The following CTPS1 variants were observed in gnomAD, a reference collection of about 807,000 sequenced individuals.
CTPS1 encodes CTP synthase 1.
In CTPS1, 25 loss-of-function variants were observed where a neutral mutation model predicts 80.5. The ratio of observed to expected loss-of-function variants is 0.31; its 90% confidence interval spans 0.23 to 0.43. The LOEUF (loss-of-function observed/expected upper bound fraction) is 0.43. Among genes scored for constraint, CTPS1 ranks in the 20% least tolerant of loss-of-function variants. The pLI is 1.00. For synonymous variants in CTPS1, 267 were observed against 252.5 expected (o/e 1.06, Z -0.54); for missense variants, 442 against 725.7 (o/e 0.61, Z 4.49).
chr1:40,997,232 G>T, intron 8 of CTPS1, 162 bp from the exon 9 acceptor site: 1 of 761,128 alleles, frequency 1.3e-6, no homozygotes, highest in Non-Finnish European at 2.0e-6. Context: ...CTGGGCTCAA[G>T]ATCCCCCCGC....
rs904764836 is a variant in CTPS1 at position 41,008,568 on chromosome 1, G to C, written c.1394-91G>C. The C allele has an allele frequency of 4.5e-5, 62 of 1,379,604 alleles. No homozygotes were observed. The African/African-American group carries it at 8.2e-4, about 18-fold the overall frequency. The allele number at this position is 1,379,604 out of a possible 1,614,324, so 85.5% of individuals were successfully genotyped here. On this transcript the variant is annotated intron_variant, in intron 14 of 18. Transcript: ENST00000650070. ...CCTCAAAAGACCTGGCTGTGTGGAT[G>C]ATGAAAAGTAAAGCAGGAAGGAGGA...
chr1:41,009,620 T>C (rs766285889), intron 17 of CTPS1, 31 bp downstream of exon 17: 25 of 1,612,530 alleles, frequency 1.6e-5, no homozygotes, highest in Non-Finnish European at 2.0e-5. Context: ...AGTAATCCAT[T>C]AGTCTTCTCT....
intron 11 of CTPS1, 110 bp downstream of exon 11, chr1:41,002,364 T>C: frequency 2.3e-6 from 2 of 856,426 alleles, no homozygotes. Flanking sequence ...ATGCTGTCTT[T>C]GTGGATAGGA....
At chr1:40,981,880 C>A in intron 1 of CTPS1, 1 of 709,692 alleles carries the variant, frequency 1.4e-6, no homozygotes, top group South Asian at 1.7e-5. Context: ...GGGGGTGGGG[C>A]GGGGGAATGC....
chr1:40,981,176 A>G (rs1651875923), intron 1 of CTPS1: 1 of 152,196 alleles, frequency 6.6e-6, no homozygotes, highest in African/African-American at 2.4e-5. Flanking sequence ...GAAAGTTGAG[A>G]TATGGGCCCA....
chr1:40,992,092 T>C (rs1642625684), intron 7 of CTPS1, among the ~76,000 whole-genome samples: 2 of 152,226 alleles, frequency 1.3e-5, no homozygotes, highest in South Asian at 4.1e-4. Flanking sequence ...TCGGTTCCCC[T>C]AGTACCCTCC....
At position 41,011,062 on chromosome 1, in the gene CTPS1, G is replaced by A. The variant is rs566770113; in HGVS notation, c.*10-596G>A. ...GGGACCTCCCTGAATCCTGCACACCGTGTGTTCATCACCAGTGGGCCTCTG... is the reference window on the plus strand; with the variant it reads ...GGGACCTCCCTGAATCCTGCACACCATGTGTTCATCACCAGTGGGCCTCTG... On this transcript the variant is annotated intron_variant, in intron 18 of 18. Coordinates refer to ENST00000650070, the MANE Select transcript of CTPS1 (RefSeq NM_001905.4). Among the ~76,000 whole-genome samples, 9 of 152,302 alleles carry A rather than the reference G, an allele frequency of 5.9e-5. No individual in the cohort carries two copies. The East Asian group carries it at 7.7e-4, about 13-fold the overall frequency.
At chr1:41,006,299 A>G in intron 13 of CTPS1, among the ~76,000 whole-genome samples, 1 of 152,162 alleles carries the variant, frequency 6.6e-6, no homozygotes, top group Non-Finnish European at 1.5e-5. Flanking sequence ...TTGACCACAG[A>G]AAGTTTTTAA....
At chr1:41,006,325 A>G (rs1356447327) in intron 13 of CTPS1, among the ~76,000 whole-genome samples, 1 of 152,220 alleles carries the variant, frequency 6.6e-6, no homozygotes, top group Non-Finnish European at 1.5e-5. Flanking sequence ...GTACCAGCCC[A>G]GGAAACTGGA....
At chr1:40,997,608 T>C in intron 9 of CTPS1, 82 bp downstream of exon 9, 3 of 1,471,466 alleles carry the variant, frequency 2.0e-6, no homozygotes, top group Non-Finnish European at 2.7e-6. Context: ...CATATCTGCT[T>C]TCTGTTTGGA....
At chr1:40,994,756 T>G (rs1642709723) in intron 7 of CTPS1, among the ~76,000 whole-genome samples, 2 of 152,266 alleles carry the variant, frequency 1.3e-5, no homozygotes. Context: ...GGCCTTGTTC[T>G]GGACTTTAAA....
rs1159231261 is a variant in CTPS1, at chr1:40,991,304, C to T, written c.639+56C>T. On this transcript the variant is annotated intron_variant, in intron 6 of 18. Coordinates refer to ENST00000650070, the MANE Select transcript of CTPS1 (RefSeq NM_001905.4). ...AATCTTTTATGTCTAGTTAAGATCA[C>T]TCTATCATGACAGACAAGACCTTTG... 13 of 1,329,618 alleles carry T rather than the reference C, an allele frequency of 9.8e-6. No individual in the cohort carries two copies. The South Asian group carries it at 1.6e-4, about 16-fold the overall frequency. The allele number at this position is 1,329,618 out of a possible 1,614,324, so 82.4% of individuals were successfully genotyped here.
At chr1:40,981,245 A>G (rs1054172920) in intron 1 of CTPS1, 6 of 152,250 alleles carry the variant, frequency 3.9e-5, no homozygotes. Flanking sequence ...TCAGTAGCCC[A>G]TAAGGATGAA....
In CTPS1 at chr1:40,983,777, C is replaced by T. The variant is rs79223496; in HGVS notation, c.166+321C>T. Among the ~76,000 whole-genome samples the T allele has an allele frequency of 3.2e-4, 49 of 152,206 alleles. 1 individual carries two copies. In the East Asian group the frequency reaches 8.3e-3, roughly 26 times the overall value. On this transcript the variant is annotated intron_variant, in intron 2 of 18. Coordinates refer to ENST00000650070, the MANE Select transcript of CTPS1 (RefSeq NM_001905.4). ...AGCTGGGACTACAGGTGTAAATCAC[C>T]ATGCCTGGCTAATTTCTAAATTTTT...
intron 17 of CTPS1, 108 bp downstream of exon 17, chr1:41,009,697 A>C: frequency 7.3e-7 from 1 of 1,370,742 alleles, no homozygotes; most frequent in Non-Finnish European, 1.0e-6. Flanking sequence ...AAAAAAAGCC[A>C]CAGGCGCCTG....
At chr1:40,992,344 G>GGTGT (rs367847542) in intron 7 of CTPS1, among the ~76,000 whole-genome samples, 11 of 151,326 alleles carry the variant, frequency 7.3e-5, no homozygotes, top group Non-Finnish European at 1.6e-4. Context: ...CCATCTTTCT[G>GGTGT]GTGTGTGTGT....
chr1:40,994,668 AT>A (rs925479657), intron 7 of CTPS1, among the ~76,000 whole-genome samples: 1 of 150,832 alleles, frequency 6.6e-6, no homozygotes, highest in Non-Finnish European at 1.5e-5. Flanking sequence ...TTTCTGGTTC[AT>A]TTTTTTTTCT....
chr1:41,008,076 C>T (rs973036212), intron 14 of CTPS1, among the ~76,000 whole-genome samples: 13 of 152,172 alleles, frequency 8.5e-5, no homozygotes, highest in South Asian at 4.1e-4. Flanking sequence ...TCTGTCTGGG[C>T]GTTCTGTAGC....
intron 9 of CTPS1, 136 bp from the exon 10 acceptor site, chr1:41,000,893 C>T: frequency 2.1e-6 from 1 of 477,306 alleles, no homozygotes; most frequent in South Asian, 3.7e-5. Flanking sequence ...CACTTTAAAG[C>T]CAGTATTAAG....
Sources: gnomAD v4.1 joint callset for allele counts (sites outside exome capture counted in the v4.1 genomes callset) on GRCh38, gnomAD v4.1.1 for gene constraint, MANE v1.5 for transcripts, NCBI Gene and HGNC (gene_info 2026-07-23, HGNC 2026-07-21) for gene names.